Variants in ALOX5AP observed in about 807,000 individuals in gnomAD.
ALOX5AP encodes arachidonate 5-lipoxygenase-activating protein.
In ALOX5AP, 9 loss-of-function variants were observed where a neutral mutation model predicts 18.5. That is an observed-to-expected ratio of 0.49 (90% CI 0.29 to 0.85). ALOX5AP has a LOEUF of 0.85. ALOX5AP is among the 40% of genes least tolerant of loss of function. ALOX5AP has a pLI of 0.08. For synonymous variants in ALOX5AP, 81 were observed against 78.6 expected (o/e 1.03, Z -0.16); for missense variants, 172 against 202.5 (o/e 0.85, Z 0.91).
Position 30,756,038 on chromosome 13 carries a change from G to GACT in ALOX5AP, c.323+18_323+20dup. 1.2e-6 allele frequency: 2 copies of GACT among 1,611,996 alleles called. No individual in the cohort carries two copies. The highest frequency in any genetic ancestry group is 1.7e-6 in the Non-Finnish European group (2 of 1,178,070). On this transcript the variant is annotated intron_variant, in intron 4 of 4. Transcript: ENST00000380490. ...AGAGAACGCAGAGGTAGGTAACTGG[G>GACT]ACTACTAAAGAACTGTGGAGCGATT... is the stretch of plus-strand genomic sequence containing the variant.
chr13:30,763,367 A>G (rs1284696625), intron 4 of ALOX5AP, among the ~76,000 whole-genome samples: 1 of 152,228 alleles, frequency 6.6e-6, no homozygotes, highest in East Asian at 1.9e-4. Context: ...CCTCCACTCA[A>G]AAATGCAAGG....
chr13:30,745,323 G>A (rs978554131), intron 2 of ALOX5AP, among the ~76,000 whole-genome samples: 2 of 152,134 alleles, frequency 1.3e-5, no homozygotes, highest in Admixed American at 6.5e-5. Flanking sequence ...CCTCAGCTCC[G>A]AAATCGCTGG....
chr13:30,748,810 C>CA (rs763789420), intron 2 of ALOX5AP, among the ~76,000 whole-genome samples: 26 of 152,278 alleles, frequency 1.7e-4, no homozygotes, highest in Non-Finnish European at 2.6e-4. Context: ...AACTGAGGCT[C>CA]ATTGAGGCTA....
rs1566076269 is a variant in ALOX5AP, at chr13:30,713,734, A to G, written c.9A>G (p.Thr3=). Reference sequence around the variant, plus strand: ...AGTCAACAGAAACAAAAATGCTCACATTTAATCACGATGCTCCCTGGCATA... The same window carrying G: ...AGTCAACAGAAACAAAAATGCTCACGTTTAATCACGATGCTCCCTGGCATA... The change falls in exon 1 of 6, where the codon ACA becomes ACG. Residue 3 remains threonine (T), a synonymous_variant. Coordinates refer to the ALOX5AP transcript ENST00000617770. The G allele has an allele frequency of 3.9e-6, 6 of 1,531,954 alleles. No individual in the cohort carries two copies. In the Admixed American group the frequency reaches 1.2e-4, roughly 30 times the overall value. 94.9% of individuals were successfully genotyped at this position (1,531,954 alleles called of 1,614,324 possible).
chr13:30,746,933 G>A (rs573214433), intron 2 of ALOX5AP, among the ~76,000 whole-genome samples: 9 of 152,294 alleles, frequency 5.9e-5, no homozygotes, highest in South Asian at 2.1e-4. Flanking sequence ...TGATACTGGT[G>A]GATTAAAAAG....
intron 1 of ALOX5AP, among the ~76,000 whole-genome samples, chr13:30,726,210 T>C (rs954452786): frequency 2.0e-5 from 3 of 152,132 alleles, no homozygotes; most frequent in South Asian, 4.1e-4. Flanking sequence ...CTCGTGCCAG[T>C]GAATACACAA....
At chr13:30,718,382 C>CAT (rs59562797) in intron 1 of ALOX5AP, among the ~76,000 whole-genome samples, 4,487 of 139,460 alleles carry the variant, frequency 0.032, 193 homozygotes, top group African/African-American at 0.095. Context: ...CACAGATATG[C>CAT]ATATATATAT....
intron 2 of ALOX5AP, among the ~76,000 whole-genome samples, chr13:30,746,590 G>A (rs1951811204): frequency 6.6e-6 from 1 of 152,238 alleles, no homozygotes; most frequent in African/African-American, 2.4e-5. Flanking sequence ...CCTGTGCCAG[G>A]AAACCACTGG....
At chr13:30,727,923 A>G (rs1043695515) in intron 1 of ALOX5AP, among the ~76,000 whole-genome samples, 2 of 152,132 alleles carry the variant, frequency 1.3e-5, no homozygotes, top group Non-Finnish European at 2.9e-5. Context: ...TTTAGGATTC[A>G]GCACCAGCCA....
At chr13:30,743,108 C>T (rs1346352564) in intron 1 of ALOX5AP, among the ~76,000 whole-genome samples, 1 of 152,014 alleles carries the variant, frequency 6.6e-6, no homozygotes, top group Admixed American at 6.5e-5. Flanking sequence ...AATTTCTTCA[C>T]ACGGCTCTCA....
intron 4 of ALOX5AP, among the ~76,000 whole-genome samples, chr13:30,761,680 G>A (rs987728627): frequency 1.3e-5 from 2 of 152,286 alleles, no homozygotes; most frequent in Middle Eastern, 3.4e-3. Context: ...AGATCAAAGT[G>A]TGGGCAGGGT....
In ALOX5AP at chr13:30,764,174, T is replaced by C; in HGVS notation, c.*68T>C. On this transcript the variant is annotated 3_prime_UTR_variant, in exon 5 of 5. Transcript: ENST00000380490. The stretch of plus-strand genomic sequence containing the variant: ...CCTACAAGTCATCATAATTCAGCTC[T>C]TGAGAGCATTCTGCTCTTCTTTAGA... 6.6e-7 allele frequency: 1 copy of C among 1,505,826 alleles called. No homozygotes were observed. The allele number at this position is 1,505,826 out of a possible 1,614,324, so 93.3% of individuals were successfully genotyped here. A position where few individuals can be genotyped will look rare whatever the true frequency, so the allele number is the denominator to read the frequency against.
intron 2 of ALOX5AP, among the ~76,000 whole-genome samples, chr13:30,744,874 T>C (rs1310379067): frequency 6.6e-6 from 1 of 152,220 alleles, no homozygotes; most frequent in African/African-American, 2.4e-5. Context: ...GACTACGGAC[T>C]AGGGGCCTGT....
chr13:30,715,074 A>G (rs1182572470), intron 1 of ALOX5AP, among the ~76,000 whole-genome samples: 9 of 152,100 alleles, frequency 5.9e-5, no homozygotes, highest in East Asian at 3.9e-4. Flanking sequence ...CTCCAGGTCA[A>G]TATGTGACCT....
intron 2 of ALOX5AP, among the ~76,000 whole-genome samples, chr13:30,746,408 G>A (rs1566086064): frequency 6.6e-6 from 1 of 152,236 alleles, no homozygotes; most frequent in South Asian, 2.1e-4. Flanking sequence ...AGGGTGGAGA[G>A]TTTTCTGTAA....
chr13:30,762,007 G>A (rs995122281), intron 4 of ALOX5AP, among the ~76,000 whole-genome samples: 12 of 152,214 alleles, frequency 7.9e-5, no homozygotes, highest in African/African-American at 2.9e-4. Context: ...TAGTTAGGAT[G>A]TCTTATCTCA....
chr13:30,719,923 G>A (rs1157770033), intron 1 of ALOX5AP, among the ~76,000 whole-genome samples: 12 of 151,586 alleles, frequency 7.9e-5, no homozygotes, highest in African/African-American at 2.2e-4. Flanking sequence ...GTGCAGTGGC[G>A]TGATCTCGGC....
intron 1 of ALOX5AP, among the ~76,000 whole-genome samples, chr13:30,738,360 A>G (rs2137805275): frequency 6.6e-6 from 1 of 152,376 alleles, no homozygotes; most frequent in East Asian, 1.9e-4. Flanking sequence ...AAAATACATG[A>G]TTCTAAGAAA....
chr13:30,744,213 C>CA, intron 2 of ALOX5AP, 54 bp downstream of exon 2: 6 of 1,522,630 alleles, frequency 3.9e-6, no homozygotes, highest in Non-Finnish European at 5.4e-6. Flanking sequence ...AGGGGGGCCT[C>CA]CTTCTAGGAG....
Sources: gnomAD v4.1 joint callset for allele counts (sites outside exome capture counted in the v4.1 genomes callset) on GRCh38, gnomAD v4.1.1 for gene constraint, MANE v1.5 for transcripts, NCBI Gene and HGNC (gene_info 2026-07-23, HGNC 2026-07-21) for gene names.